The following PM20D2 variants were observed in gnomAD, a reference collection of about 807,000 sequenced individuals.
PM20D2 encodes the protein xaa-Arg dipeptidase.
Under a neutral mutation model 42.9 loss-of-function variants are expected in PM20D2, and 33 were observed. The ratio of observed to expected loss-of-function variants is 0.77; its 90% CI spans 0.58 to 1.03. The LOEUF is 1.03. Ranked by LOEUF, PM20D2 falls within the 50% of genes least tolerant of loss-of-function variation. The probability of loss-of-function intolerance (pLI) is 0.00; values close to 1 mark genes in which losing one functional copy is unlikely to be tolerated. For missense variants in PM20D2, 548 were observed against 557.0 expected (o/e 0.98, Z 0.16); for synonymous variants, 250 against 228.2 (o/e 1.10, Z -0.86).
chr6:89,123,719 CAAAAAAAAAAA>C, the PM20D2 span, among the ~76,000 whole-genome samples: 329 of 53,930 alleles, frequency 6.1e-3, 2 homozygotes, highest in African/African-American at 0.02. Flanking sequence ...GAGACTGTCT[CAAAAAAAAAAA>C]AAAAAAAAGG....
chr6:89,106,830 T>C, the PM20D2 span: 3 of 373,236 alleles, frequency 8.0e-6, no homozygotes, highest in South Asian at 4.1e-5. Context: ...CAACCTGGTG[T>C]TGGCTTTGTC....
the PM20D2 span, among the ~76,000 whole-genome samples, chr6:89,095,687 C>G: frequency 5.9e-5 from 9 of 152,262 alleles, no homozygotes; most frequent in African/African-American, 2.2e-4. Flanking sequence ...TAAATTAGCC[C>G]AGTGGCCTAA....
the PM20D2 span, among the ~76,000 whole-genome samples, chr6:89,116,614 A>C: frequency 1.3e-5 from 2 of 152,010 alleles, no homozygotes; most frequent in Admixed American, 1.3e-4. Context: ...ATCTCTACTA[A>C]AAATATAAAA....
the PM20D2 span, chr6:89,107,352 A>C: frequency 5.7e-6 from 5 of 883,130 alleles, no homozygotes; most frequent in Middle Eastern, 1.0e-3. Context: ...AAAAGAAAGA[A>C]CATCATCTAG....
rs1456341231 is a variant in PM20D2 at position 89,165,173 on chromosome 6, G to T, written c.*2910G>T. On this transcript the variant is annotated 3_prime_UTR_variant, in exon 7 of 7. Coordinates refer to ENST00000275072, the MANE Select transcript of PM20D2 (RefSeq NM_001010853.3). ...TTTTTAAGGATGATTGTCTAATTTT[G>T]TAATATGTTGTTTTTTAAAAACCTG... is the stretch of plus-strand genomic sequence containing the variant. 4.6e-5 allele frequency: 7 copies of T among 151,442 alleles called. No individual in the cohort carries two copies. The highest frequency in any genetic ancestry group is 1.3e-4 in the Admixed American group (2 of 15,196). 9.4% of individuals were successfully genotyped at this position (151,442 alleles called of 1,614,324 possible).
At chr6:89,150,498 T>C (rs1770792147) in intron 2 of PM20D2, among the ~76,000 whole-genome samples, 1 of 151,180 alleles carries the variant, frequency 6.6e-6, no homozygotes, top group South Asian at 2.1e-4. Context: ...CTTCTCCTAG[T>C]ATCTGCCTTC....
chr6:89,127,882 A>G, the PM20D2 span, among the ~76,000 whole-genome samples: 1 of 152,230 alleles, frequency 6.6e-6, no homozygotes, highest in Non-Finnish European at 1.5e-5. Flanking sequence ...ACATTTATCA[A>G]TTCCCAAATA....
chr6:89,115,585 TA>T, the PM20D2 span, among the ~76,000 whole-genome samples: 1 of 149,720 alleles, frequency 6.7e-6, no homozygotes, highest in Non-Finnish European at 1.5e-5. Context: ...CCCAGCCTTA[TA>T]TTTTACAGCT....
the PM20D2 span, among the ~76,000 whole-genome samples, chr6:89,099,470 GTATA>G: frequency 4.4e-5 from 6 of 137,782 alleles, no homozygotes; most frequent in Admixed American, 1.4e-4. Flanking sequence ...ATATGTGTGT[GTATA>G]TATATATGTG....
the PM20D2 span, among the ~76,000 whole-genome samples, chr6:89,103,150 C>T: frequency 6.6e-6 from 1 of 152,010 alleles, no homozygotes; most frequent in African/African-American, 2.4e-5. Context: ...ATAGCATTGC[C>T]CTGAAAGATG....
the PM20D2 span, chr6:89,106,834 C>T: frequency 1.3e-5 from 5 of 376,466 alleles, no homozygotes; most frequent in African/African-American, 4.2e-5. Context: ...CTGGTGTTGG[C>T]TTTGTCTTTT....
Position 89,154,878 on chromosome 6 carries a change from T to C in PM20D2, c.888T>C (p.Ala296=). The change falls in exon 4 of 7, where the codon GCT becomes GCC. Residue 296 remains alanine (A), a synonymous_variant. Coordinates refer to ENST00000275072, the MANE Select transcript of PM20D2 (RefSeq NM_001010853.3). ...LTKKAEDCFR[A]AALASGCTVE... ...AAAAGGCAGAAGATTGCTTCAGAGCTGCAGCTTTGGCTTCAGGGTGCACAG... is the reference window on the plus strand; with the variant it reads ...AAAAGGCAGAAGATTGCTTCAGAGCCGCAGCTTTGGCTTCAGGGTGCACAG... 6.2e-7 allele frequency: 1 copy of C among 1,604,808 alleles called. No individual in the cohort carries two copies. Among genetic ancestry groups the C allele is most frequent in the Non-Finnish European group, 8.5e-7 (1 of 1,176,514 alleles).
the PM20D2 span, among the ~76,000 whole-genome samples, chr6:89,136,232 G>GT: frequency 6.6e-6 from 1 of 151,106 alleles, no homozygotes; most frequent in Admixed American, 6.6e-5. Flanking sequence ...GTGTTCCCAA[G>GT]TATCTTACTG....
intron 1 of PM20D2, among the ~76,000 whole-genome samples, chr6:89,148,022 C>T (rs1185705831): frequency 7.0e-6 from 1 of 143,246 alleles, no homozygotes; most frequent in Non-Finnish European, 1.5e-5. Context: ...CATTCTGTCG[C>T]CCAGGCCGAG....
At chr6:89,132,335 C>T in the PM20D2 span, among the ~76,000 whole-genome samples, 1 of 151,572 alleles carries the variant, frequency 6.6e-6, no homozygotes. Context: ...CATTCATTCA[C>T]CTTCTCTCCA....
At chr6:89,109,494 GATT>G in the PM20D2 span, among the ~76,000 whole-genome samples, 25 of 152,298 alleles carry the variant, frequency 1.6e-4, no homozygotes, top group Middle Eastern at 6.8e-3. Flanking sequence ...GTAGAGCTAG[GATT>G]CAAATGAAGG....
chr6:89,103,897 C>T, the PM20D2 span, among the ~76,000 whole-genome samples: 6 of 151,872 alleles, frequency 4.0e-5, no homozygotes, highest in African/African-American at 9.7e-5. Flanking sequence ...TACTGCCATA[C>T]TTGGAATTTA....
At chr6:89,096,447 G>GTA in the PM20D2 span, 1 of 152,188 alleles carries the variant, frequency 6.6e-6, no homozygotes. Flanking sequence ...ACAGTGCCAA[G>GTA]CATGTACTAA....
intron 1 of PM20D2, among the ~76,000 whole-genome samples, chr6:89,147,215 T>C (rs1042424902): frequency 3.9e-5 from 6 of 152,212 alleles, no homozygotes; most frequent in Non-Finnish European, 8.8e-5. Flanking sequence ...GTTTTATGAT[T>C]TTAAGAAATA....
Sources: allele counts gnomAD v4.1 joint callset (sites outside exome capture counted in the v4.1 genomes callset), GRCh38; gene constraint gnomAD v4.1.1; transcripts MANE v1.5; gene names NCBI Gene and HGNC (gene_info 2026-07-23, HGNC 2026-07-21).